Variants in SHROOM3 observed in about 807,000 individuals in gnomAD.
SHROOM3 encodes protein Shroom3.
Under a neutral mutation model 138.6 loss-of-function variants are expected in SHROOM3, and 47 were observed. The ratio of observed to expected loss-of-function variants is 0.34; its 90% CI spans 0.27 to 0.43. The LOEUF (loss-of-function observed/expected upper bound fraction) is 0.43, where lower values mean the gene tolerates loss of function less well. Ranked by LOEUF, SHROOM3 falls within the 20% of genes least tolerant of loss-of-function variation. The pLI is 1.00. For missense variants in SHROOM3, 2,491 were observed against 2,596.5 expected (o/e 0.96, Z 0.88); for synonymous variants, 1,062 against 1,063.3 (o/e 1.00, Z 0.02).
rs777170162 is a variant in SHROOM3 at position 76,756,909 on chromosome 4, G to A, written c.5170G>A (p.Val1724Ile). 31 of 1,614,098 alleles carry A rather than the reference G, an allele frequency of 1.9e-5. No homozygotes were observed. The highest frequency in any genetic ancestry group is 2.5e-5 in the Non-Finnish European group (29 of 1,180,042). The change falls in exon 8 of 11, where the codon GTC (valine) becomes ATC (isoleucine). Residue 1724 changes from valine (V) to isoleucine (I), a missense_variant. Around this residue, in one of 4 missense-constraint regions of SHROOM3, gnomAD observed 470 missense variants for 595.0 expected, o/e 0.79. Transcript: ENST00000296043. ...SVKRKAIQRT[V>I]SSSGCEGKRN... ...AAAGAGGAAGGCCATACAGAGAACT[G>A]TCAGCTCTTCAGGATGTGAAGGCAA...
intron 2 of SHROOM3, among the ~76,000 whole-genome samples, chr4:76,620,070 CAAAAAAAA>C (rs68039696): frequency 8.2e-5 from 5 of 61,102 alleles, no homozygotes; most frequent in South Asian, 6.5e-4. Flanking sequence ...GAATCTATCT[CAAAAAAAA>C]AAAAAAAAAA....
chr4:76,783,119 A>C lies in SHROOM3; in HGVS notation c.*3942A>C, dbSNP rs997289776. 2.0e-5 allele frequency: 3 copies of C among 152,222 alleles called. No homozygotes were observed. Among genetic ancestry groups the C allele is most frequent in the African/African-American group, 7.2e-5 (3 of 41,454 alleles). The allele number at this position is 152,222 out of a possible 1,614,324, so 9.4% of individuals were successfully genotyped here. A position where few individuals can be genotyped will look rare whatever the true frequency, so the allele number is the denominator to read the frequency against. On this transcript the variant is annotated 3_prime_UTR_variant, in exon 11 of 11. Coordinates refer to ENST00000296043, the MANE Select transcript of SHROOM3 (RefSeq NM_020859.4). ...ATTTTAACATTTGAGAGCCACTACC[A>C]ATCATCTGTACAGTTCCTACTGTTA...
intron 2 of SHROOM3, among the ~76,000 whole-genome samples, chr4:76,699,835 G>C (rs989520862): frequency 6.6e-6 from 1 of 152,174 alleles, no homozygotes; most frequent in African/African-American, 2.4e-5. Context: ...TGTGACCCCA[G>C]CTTTACCCTT....
In SHROOM3 at chr4:76,738,820, A is replaced by G. The variant is rs766219406; in HGVS notation, c.647A>G (p.Gln216Arg). Residue 216 changes from glutamine to arginine, a missense_variant, in exon 5 of 11, where the codon CAG becomes CGG. Gln to Arg is a conservative substitution (Grantham distance 43, BLOSUM62 1). This residue lies in a region of SHROOM3 where 284 missense variants were observed against 322.8 expected (regional missense o/e 0.88). Coordinates refer to ENST00000296043, the MANE Select transcript of SHROOM3 (RefSeq NM_020859.4). ...DHAYLRRSPD[Q>R]CSSQGSMESL... The stretch of plus-strand genomic sequence containing the variant: ...GCTTATCTAAGGCGGAGCCCTGACC[A>G]GTGCAGCTCCCAGGGGAGCATGGAG... The G allele has an allele frequency of 1.1e-5, 18 of 1,614,094 alleles. No individual in the cohort carries two copies. In the Admixed American group the frequency reaches 1.7e-4, roughly 15 times the overall value.
At chr4:76,666,146 A>T (rs2110095423) in intron 2 of SHROOM3, among the ~76,000 whole-genome samples, 1 of 152,328 alleles carries the variant, frequency 6.6e-6, no homozygotes, top group East Asian at 1.9e-4. Context: ...AAAATCCTTT[A>T]AAAAAGAGTA....
intron 1 of SHROOM3, among the ~76,000 whole-genome samples, chr4:76,525,556 C>T (rs1212863183): frequency 6.6e-6 from 1 of 152,164 alleles, no homozygotes; most frequent in Non-Finnish European, 1.5e-5. Context: ...CATGCATTGC[C>T]CTAATGGCTA....
rs554243305 is a variant in SHROOM3 at position 76,683,916 on chromosome 4, C to A, written c.324-26240C>A. On this transcript the variant is annotated intron_variant, in intron 2 of 10. Transcript: ENST00000296043. ...AAATTTTTATTTATCTGCCAGAATT[C>A]TTCTTCCTGCAATGCCACTCTCCAA... Among the ~76,000 whole-genome samples the A allele has an allele frequency of 1.0e-3, 157 of 152,216 alleles. 1 individual carries two copies. The South Asian group carries it at 0.029, about 28-fold the overall frequency.
chr4:76,574,794 G>A (rs1200883765), intron 2 of SHROOM3, among the ~76,000 whole-genome samples: 1 of 152,172 alleles, frequency 6.6e-6, no homozygotes, highest in African/African-American at 2.4e-5. Flanking sequence ...CACAAAAAAT[G>A]TAGAATGGCA....
chr4:76,652,908 A>G (rs1379397753), intron 2 of SHROOM3, among the ~76,000 whole-genome samples: 1 of 152,120 alleles, frequency 6.6e-6, no homozygotes, highest in Non-Finnish European at 1.5e-5. Context: ...CGATCCAGGC[A>G]TTCTACTTGG....
intron 1 of SHROOM3, among the ~76,000 whole-genome samples, chr4:76,459,281 G>T (rs1054218423): frequency 6.6e-6 from 1 of 152,332 alleles, no homozygotes; most frequent in Non-Finnish European, 1.5e-5. Flanking sequence ...GAATTGTACA[G>T]TGAGAATGCT....
chr4:76,639,681 C>T, intron 2 of SHROOM3: 1 of 398,276 alleles, frequency 2.5e-6, no homozygotes, highest in Non-Finnish European at 4.4e-6. Flanking sequence ...TCCTATTAGC[C>T]AGTATTCCTG....
chr4:76,601,632 G>A (rs1382049463), intron 2 of SHROOM3, among the ~76,000 whole-genome samples: 11 of 152,122 alleles, frequency 7.2e-5, no homozygotes, highest in Non-Finnish European at 2.9e-5. Context: ...AGCCTCCTGA[G>A]TAGCCGGGAC....
intron 2 of SHROOM3, among the ~76,000 whole-genome samples, chr4:76,705,518 G>A (rs1264121116): frequency 6.6e-6 from 1 of 152,074 alleles, no homozygotes; most frequent in Non-Finnish European, 1.5e-5. Flanking sequence ...AAAACAAAAA[G>A]CAAATAAGAA....
chr4:76,737,834 T>TTAAAAAATCA, intron 4 of SHROOM3, among the ~76,000 whole-genome samples: 1 of 152,332 alleles, frequency 6.6e-6, no homozygotes, highest in East Asian at 1.9e-4. Flanking sequence ...CAGGTTGTTT[T>TTAAAAAATCA]CTTATTGTTG....
intron 3 of SHROOM3, among the ~76,000 whole-genome samples, chr4:76,720,351 T>C (rs527774296): frequency 2.6e-4 from 40 of 152,168 alleles, no homozygotes; most frequent in African/African-American, 9.1e-4. Context: ...GTTTCAAATC[T>C]TTTAAAAATG....
At chr4:76,523,749 T>C (rs1732618349) in intron 1 of SHROOM3, among the ~76,000 whole-genome samples, 2 of 152,242 alleles carry the variant, frequency 1.3e-5, no homozygotes, top group South Asian at 4.2e-4. Context: ...AGCGTTTCCA[T>C]GAGCAGTGAC....
rs1721261237 is a variant in SHROOM3, at chr4:76,741,678, G to C, written c.3505G>C (p.Asp1169His). Reference protein sequence around the residue: ...TVAETQQAPRDRSSSFAGGRR... With the variant: ...TVAETQQAPRHRSSSFAGGRR... ...TGCAGAAACCCAGCAGGCTCCCCGAGATCGCAGCAGCTCCTTCGCCGGTGG... is the reference window on the plus strand; with the variant it reads ...TGCAGAAACCCAGCAGGCTCCCCGACATCGCAGCAGCTCCTTCGCCGGTGG... Residue 1169 changes from aspartate (D) to histidine (H), a missense_variant, in exon 5 of 11, where the codon GAT (aspartate) becomes CAT (histidine). Coordinates refer to ENST00000296043, the MANE Select transcript of SHROOM3 (RefSeq NM_020859.4). This position sits in a 1 kb window ranked among gnomAD's most constrained non-coding sequence, Gnocchi z 6.2. 1.3e-6 allele frequency: 2 copies of C among 1,551,738 alleles called. No homozygotes were observed. Among genetic ancestry groups the C allele is most frequent in the African/African-American group, 2.7e-5 (2 of 73,492 alleles).
At chr4:76,548,681 T>G (rs895400400) in intron 1 of SHROOM3, among the ~76,000 whole-genome samples, 1 of 152,202 alleles carries the variant, frequency 6.6e-6, no homozygotes, top group Non-Finnish European at 1.5e-5. Context: ...TACAGTGACA[T>G]AAAAGGCTGT....
At chr4:76,504,283 C>T (rs1008470958) in intron 1 of SHROOM3, among the ~76,000 whole-genome samples, 15 of 152,114 alleles carry the variant, frequency 9.9e-5, no homozygotes, top group African/African-American at 3.1e-4. Flanking sequence ...CTCAGCCTCC[C>T]AAGTAGCTTG....
Sources: allele counts gnomAD v4.1 joint callset (sites outside exome capture counted in the v4.1 genomes callset), GRCh38; gene constraint gnomAD v4.1.1; regional missense constraint gnomAD v4.1.1; non-coding constraint Gnocchi (gnomAD v3.1); transcripts MANE v1.5; gene names NCBI Gene and HGNC (gene_info 2026-07-23, HGNC 2026-07-21).